The following MGAT5 variants were observed in gnomAD, a reference collection of about 807,000 sequenced individuals.
MGAT5 encodes the protein alpha-1,6-mannosylglycoprotein 6-beta-N-acetylglucosaminyltransferase A.
In MGAT5, 30 loss-of-function variants were observed where a neutral mutation model predicts 94.3. The ratio of observed to expected loss-of-function variants is 0.32; its 90% CI spans 0.24 to 0.43. The LOEUF (loss-of-function observed/expected upper bound fraction) is 0.43. MGAT5 is among the 20% of genes least tolerant of loss of function. The pLI, the probability that MGAT5 is intolerant of heterozygous loss-of-function variation, is 1.00. For synonymous variants in MGAT5, 310 were observed against 322.9 expected (o/e 0.96, Z 0.43); for missense variants, 691 against 905.5 (o/e 0.76, Z 3.04).
intron 1 of MGAT5, among the ~76,000 whole-genome samples, chr2:134,152,899 CTTTTTTT>C (rs35135371): frequency 8.5e-6 from 1 of 117,292 alleles, no homozygotes; most frequent in Non-Finnish European, 1.7e-5. Flanking sequence ...ATGGAGTCCA[CTTTTTTT>C]TTTTTTTTTT....
chr2:134,165,194 G>A (rs1006927738), intron 1 of MGAT5, among the ~76,000 whole-genome samples: 1 of 152,190 alleles, frequency 6.6e-6, no homozygotes, highest in Non-Finnish European at 1.5e-5. Flanking sequence ...CGTCATAAGT[G>A]GCTTCCTTGG....
chr2:134,239,214 G>A (rs569393409), intron 1 of MGAT5, among the ~76,000 whole-genome samples: 283 of 152,170 alleles, frequency 1.9e-3, no homozygotes, highest in African/African-American at 6.0e-3. Context: ...TAGCCAGGAT[G>A]GTCTCGATCT....
intron 13 of MGAT5, among the ~76,000 whole-genome samples, chr2:134,427,407 C>A (rs1429842106): frequency 6.6e-6 from 1 of 152,126 alleles, no homozygotes; most frequent in Non-Finnish European, 1.5e-5. Context: ...GAGATCAAAC[C>A]CACATTTCTT....
intron 2 of MGAT5, among the ~76,000 whole-genome samples, chr2:134,293,425 C>T (rs1685490254): frequency 6.6e-6 from 1 of 151,826 alleles, no homozygotes; most frequent in South Asian, 2.1e-4. Context: ...TGTATTCTTC[C>T]TCCCTTCCTT....
At chr2:134,135,779 C>T (rs1021741853) in intron 1 of MGAT5, among the ~76,000 whole-genome samples, 11 of 151,968 alleles carry the variant, frequency 7.2e-5, no homozygotes, top group South Asian at 4.2e-4. Flanking sequence ...TGCTCCTCCC[C>T]GAGCCACAGC....
intron 10 of MGAT5, among the ~76,000 whole-genome samples, chr2:134,387,093 C>A (rs991441514): frequency 6.6e-6 from 1 of 151,238 alleles, no homozygotes; most frequent in Non-Finnish European, 1.5e-5. Context: ...GAAACCCTAT[C>A]TCTACTAAAA....
At chr2:134,233,453 A>G (rs1257192) in intron 1 of MGAT5, among the ~76,000 whole-genome samples, 120,294 of 152,218 alleles carry the variant, frequency 0.79, 47,725 homozygotes, top group Non-Finnish European at 0.81. Context: ...TTTATCAGTT[A>G]CAGTAACATT....
intron 10 of MGAT5, among the ~76,000 whole-genome samples, chr2:134,363,302 G>C (rs1220186564): frequency 6.6e-6 from 1 of 152,120 alleles, no homozygotes; most frequent in Non-Finnish European, 1.5e-5. Flanking sequence ...TGATGTACAG[G>C]ATAAAGAATT....
At position 134,334,496 on chromosome 2, in the gene MGAT5, C is replaced by CTTTTTTTTTTTTTT. The variant is rs59933611; in HGVS notation, c.574-1711_574-1698dup. On this transcript the variant is annotated intron_variant, in intron 4 of 15. Coordinates refer to ENST00000281923, the MANE Select transcript of MGAT5 (RefSeq NM_002410.5). ...CAAATCTCTACTTTCCTTGCTCATC[C>CTTTTTTTTTTTTTT]TTTTTTTTTTTTTTTTTTTTTTTGC... 8.8e-4 allele frequency among the ~76,000 whole-genome samples: 30 copies of CTTTTTTTTTTTTTT among 34,112 alleles called. 9 individuals are homozygous for CTTTTTTTTTTTTTT. The highest frequency in any genetic ancestry group is 3.1e-3 in the African/African-American group (26 of 8,264). The allele number at this position is 34,112 out of a possible 152,430, so 22.4% of individuals were successfully genotyped here. A position where few individuals can be genotyped will look rare whatever the true frequency, so the allele number is the denominator to read the frequency against.
intron 1 of MGAT5, among the ~76,000 whole-genome samples, chr2:134,200,256 C>G (rs893248475): frequency 4.6e-5 from 7 of 150,620 alleles, no homozygotes; most frequent in Non-Finnish European, 8.8e-5. Flanking sequence ...CCATAGTGGT[C>G]ACGCTTGAGG....
At chr2:134,198,913 A>G (rs1426145984) in intron 1 of MGAT5, among the ~76,000 whole-genome samples, 1 of 152,130 alleles carries the variant, frequency 6.6e-6, no homozygotes, top group Non-Finnish European at 1.5e-5. Flanking sequence ...AGTATAAAAG[A>G]GGCCAAAGTT....
intron 15 of MGAT5, 98 bp downstream of exon 15, chr2:134,442,013 A>G (rs1685513611): frequency 7.2e-7 from 1 of 1,385,118 alleles, no homozygotes. Flanking sequence ...CTTCCAAGCT[A>G]CTGGGCTGTG....
At chr2:134,130,646 G>A (rs1054545599) in intron 1 of MGAT5, among the ~76,000 whole-genome samples, 1 of 143,662 alleles carries the variant, frequency 7.0e-6, no homozygotes, top group Non-Finnish European at 1.6e-5. Context: ...GGTTGTAAAT[G>A]CACCAATCAG....
chr2:134,246,859 T>C (rs1275599652), intron 1 of MGAT5, among the ~76,000 whole-genome samples: 1 of 152,250 alleles, frequency 6.6e-6, no homozygotes, highest in African/African-American at 2.4e-5. Flanking sequence ...GATATTTTCC[T>C]AAGCAAAACC....
rs559373155 is a variant in MGAT5, at chr2:134,120,788, A to T, written c.-143+497A>T. On this transcript the variant is annotated intron_variant, in intron 1 of 16. Transcript: ENST00000409645. ...CGGGCTCGGCCAGGGGCCAGTGGGG[A>T]GGAAGGAAGAAGGAGGGAGGCTGGC... Among the ~76,000 whole-genome samples, 474 of 151,320 alleles carry T rather than the reference A, an allele frequency of 3.1e-3. 3 individuals carry two copies. The highest frequency in any genetic ancestry group is 0.011 in the African/African-American group (457 of 41,218).
Position 134,317,587 on chromosome 2 carries a change from C to G in MGAT5, c.465C>G (p.His155Gln), listed in dbSNP as rs750132085. 2.6e-6 allele frequency: 4 copies of G among 1,568,530 alleles called. No homozygotes were observed. The East Asian group carries it at 9.7e-5, about 38-fold the overall frequency. ...CVLPPMDGYPHCEGKIKWMKD... is the reference protein window; with the variant it reads ...CVLPPMDGYPQCEGKIKWMKD... ...TGCCTCCTATGGACGGCTACCCTCA[C>G]TGTGAGGGAAAGATCAAGGTAAGGC... Residue 155 changes from histidine (H) to glutamine (Q), a missense_variant, in exon 3 of 16, where the codon CAC (histidine) becomes CAG (glutamine). This residue lies in a region of MGAT5 where 307 missense variants were observed against 335.4 expected (regional missense o/e 0.92). Coordinates refer to ENST00000281923, the MANE Select transcript of MGAT5 (RefSeq NM_002410.5).
intron 10 of MGAT5, among the ~76,000 whole-genome samples, chr2:134,381,386 A>ATAGATAGATAAGATAAGATAGAT (rs1558841761): frequency 1.0e-5 from 1 of 95,334 alleles, no homozygotes; most frequent in Admixed American, 1.1e-4. Flanking sequence ...GATAGATTAG[A>ATAGATAGATAAGATAAGATAGAT]TAGATAGATA....
chr2:134,314,035 A>C (rs1274232164), intron 2 of MGAT5, among the ~76,000 whole-genome samples: 1 of 152,346 alleles, frequency 6.6e-6, no homozygotes, highest in East Asian at 1.9e-4. Flanking sequence ...CATTTGATAG[A>C]AACAAAATGA....
intron 1 of MGAT5, among the ~76,000 whole-genome samples, chr2:134,198,957 A>T (rs1365807616): frequency 6.6e-6 from 1 of 152,246 alleles, no homozygotes; most frequent in Non-Finnish European, 1.5e-5. Flanking sequence ...GTGTGTTGTT[A>T]CATAGCTCCC....
Sources: gnomAD v4.1 joint callset for allele counts (sites outside exome capture counted in the v4.1 genomes callset) on GRCh38, gnomAD v4.1.1 for gene constraint, gnomAD v4.1.1 regional missense constraint, MANE v1.5 for transcripts, NCBI Gene and HGNC (gene_info 2026-07-23, HGNC 2026-07-21) for gene names.